The following TBL1X variants were observed in gnomAD, a reference collection of about 807,000 sequenced individuals.
The protein encoded by TBL1X is transducin beta like 1 X-linked, also known as F-box-like/WD repeat-containing protein TBL1X.
In TBL1X, 10 loss-of-function variants were observed where a neutral mutation model predicts 50.7. That is an observed-to-expected ratio of 0.20 (90% CI 0.12 to 0.33). The LOEUF (loss-of-function observed/expected upper bound fraction) is 0.33. Ranked by LOEUF, TBL1X falls within the 10% of genes least tolerant of loss-of-function variation. The pLI is 1.00. For synonymous variants in TBL1X, 190 were observed against 214.7 expected, an observed-to-expected ratio of 0.88 and a Z score of 1.01; for missense variants, 340 against 504.4, an observed-to-expected ratio of 0.67 and a Z score of 3.12.
intron 7 of TBL1X, 144 bp from the exon 8 acceptor site, chrX:9,691,435 C>CAA (rs367934787): frequency 0.01 from 3,629 of 352,855 alleles, no homozygotes; most frequent in East Asian, 0.019. Context: ...GATTCCGTCT[C>CAA]AAAAAAAAAA....
chrX:9,638,241 T>A (rs1216368085), intron 2 of TBL1X, among the ~76,000 whole-genome samples: 5 of 111,628 alleles, frequency 4.5e-5, no homozygotes, highest in Non-Finnish European at 9.4e-5. Context: ...TTGTCACATA[T>A]CAGCATTTAT....
chrX:9,631,591 A>G (rs1279681065), intron 2 of TBL1X, among the ~76,000 whole-genome samples: 1 of 112,375 alleles, frequency 8.9e-6, no homozygotes, highest in Admixed American at 9.4e-5. Flanking sequence ...TTTACTTCAC[A>G]TATAAGAGCC....
chrX:9,541,301 T>G (rs1294354064), intron 2 of TBL1X, among the ~76,000 whole-genome samples: 1 of 89,545 alleles, frequency 1.1e-5, no homozygotes, highest in African/African-American at 4.1e-5. Flanking sequence ...CAGTTCAGCT[T>G]TGTTTCTCCA....
At chrX:9,607,921 C>T (rs761425136) in intron 2 of TBL1X, among the ~76,000 whole-genome samples, 23 of 109,396 alleles carry the variant, frequency 2.1e-4, no homozygotes, top group Admixed American at 4.9e-4. Context: ...TTAAGCAATC[C>T]TCCCACCTCA....
At chrX:9,489,628 A>G (rs1168506841) in intron 1 of TBL1X, among the ~76,000 whole-genome samples, 6 of 111,468 alleles carry the variant, frequency 5.4e-5, no homozygotes, top group African/African-American at 1.6e-4. Flanking sequence ...CCCATCAGGT[A>G]TAGGAAGCCA....
intron 2 of TBL1X, among the ~76,000 whole-genome samples, chrX:9,605,869 T>A (rs1222465166): frequency 8.9e-6 from 1 of 112,417 alleles, no homozygotes; most frequent in African/African-American, 3.2e-5. Context: ...TTAGTTTCTG[T>A]GCCACATTTC....
chrX:9,676,616 C>G (rs1198508600), intron 5 of TBL1X, among the ~76,000 whole-genome samples: 2 of 112,079 alleles, frequency 1.8e-5, no homozygotes, highest in East Asian at 2.8e-4. Context: ...TCATTTTACG[C>G]TAAATTCCAT....
At chrX:9,592,761 T>C (rs1278528847) in intron 2 of TBL1X, among the ~76,000 whole-genome samples, 1 of 112,099 alleles carries the variant, frequency 8.9e-6, no homozygotes, top group Non-Finnish European at 1.9e-5. Flanking sequence ...CTAAGCATAA[T>C]GTTTTCAAAG....
At chrX:9,481,037 A>T (rs1336386245) in intron 1 of TBL1X, among the ~76,000 whole-genome samples, 1 of 111,663 alleles carries the variant, frequency 9.0e-6, no homozygotes, top group Non-Finnish European at 1.9e-5. Context: ...CACAGAGATG[A>T]TCAGACCTTA....
In TBL1X at chrX:9,630,600, T is replaced by A. The variant is rs191803451; in HGVS notation, c.-130-9673T>A. On this transcript the variant is annotated intron_variant, in intron 2 of 17. Coordinates refer to ENST00000645353, the MANE Select transcript of TBL1X (RefSeq NM_005647.4). ...TTTTTATTGTATTGTTTTTATTTTT[T>A]AAAAATATTTTTTTTCTTTCTTTTT... Among the ~76,000 whole-genome samples the A allele has an allele frequency of 2.2e-3, 247 of 112,462 alleles. 3 individuals carry two copies. Among genetic ancestry groups the A allele is most frequent in the African/African-American group, 7.7e-3 (236 of 30,777 alleles).
chrX:9,707,490 C>T lies in TBL1X; in HGVS notation c.1237-1758C>T, dbSNP rs2083216195. Among the ~76,000 whole-genome samples, 4 of 112,533 alleles carry T rather than the reference C, an allele frequency of 3.6e-5. No homozygotes were observed. The South Asian group carries it at 1.5e-3, about 41-fold the overall frequency. On this transcript the variant is annotated intron_variant, in intron 13 of 17. Transcript: ENST00000645353. ...AAGTGGGTCTTAATGTGGCTGATGGCCCTGAACAAAGCTCCAGCTCAGTGG... is the reference window on the plus strand; with the variant it reads ...AAGTGGGTCTTAATGTGGCTGATGGTCCTGAACAAAGCTCCAGCTCAGTGG...
At chrX:9,574,560 TTATGCCCCCA>T (rs2082401496) in intron 2 of TBL1X, among the ~76,000 whole-genome samples, 1 of 110,489 alleles carries the variant, frequency 9.1e-6, no homozygotes, top group Non-Finnish European at 1.9e-5. Context: ...GGGAGACTTT[TTATGCCCCCA>T]TATGCCCCAG....
intron 5 of TBL1X, among the ~76,000 whole-genome samples, chrX:9,660,806 A>G (rs2082893759): frequency 8.9e-6 from 1 of 112,252 alleles, no homozygotes; most frequent in Non-Finnish European, 1.9e-5. Flanking sequence ...GCTCTGTGTT[A>G]TATGTCATCC....
chrX:9,657,493 G>A (rs1409199777), intron 5 of TBL1X, among the ~76,000 whole-genome samples: 3 of 112,587 alleles, frequency 2.7e-5, no homozygotes, highest in Non-Finnish European at 5.6e-5. Flanking sequence ...GAGCACTGAT[G>A]GCCTCAGACA....
chrX:9,537,533 A>G (rs1470513121), intron 2 of TBL1X, among the ~76,000 whole-genome samples: 1 of 111,232 alleles, frequency 9.0e-6, no homozygotes, highest in Non-Finnish European at 1.9e-5. Flanking sequence ...TTCTCTCTCT[A>G]TGATTTTGAC....
chrX:9,543,394 G>A (rs1471834467), intron 2 of TBL1X, among the ~76,000 whole-genome samples: 5 of 111,699 alleles, frequency 4.5e-5, no homozygotes, highest in African/African-American at 1.3e-4. Context: ...CAGGAAGGCC[G>A]GGTGACTTTG....
chrX:9,488,502 C>T (rs2081925174), intron 1 of TBL1X, among the ~76,000 whole-genome samples: 1 of 111,960 alleles, frequency 8.9e-6, no homozygotes, highest in South Asian at 3.7e-4. Flanking sequence ...TTTCCGGGCT[C>T]CTGTGATTAC....
intron 1 of TBL1X, among the ~76,000 whole-genome samples, chrX:9,496,492 A>T (rs1014647372): frequency 2.7e-5 from 3 of 112,942 alleles, no homozygotes; most frequent in African/African-American, 9.6e-5. Flanking sequence ...TCAGTTGTAC[A>T]TATCAATTAT....
intron 2 of TBL1X, among the ~76,000 whole-genome samples, chrX:9,556,228 G>C (rs190762033): frequency 2.7e-5 from 3 of 109,187 alleles, no homozygotes; most frequent in African/African-American, 9.9e-5. Flanking sequence ...ACAGTACAAA[G>C]TGTTCAGTGC....
Sources: allele counts gnomAD v4.1 joint callset (sites outside exome capture counted in the v4.1 genomes callset), GRCh38; gene constraint gnomAD v4.1.1; transcripts MANE v1.5; gene names NCBI Gene and HGNC (gene_info 2026-07-23, HGNC 2026-07-21).